Variants in BCKDHB observed in about 807,000 individuals in gnomAD.
The protein encoded by BCKDHB is branched chain keto acid dehydrogenase E1 subunit beta.
Under a neutral mutation model 48.5 loss-of-function variants are expected in BCKDHB, and 41 were observed. That is an observed-to-expected ratio of 0.85 (90% CI 0.66 to 1.10). The LOEUF is 1.10. BCKDHB is among the 50% of genes least tolerant of loss of function. The pLI is 0.00. For synonymous variants in BCKDHB, 201 were observed against 174.8 expected, an observed-to-expected ratio of 1.15 and a Z score of -1.18; for missense variants, 496 against 494.2, an observed-to-expected ratio of 1.00 and a Z score of -0.03.
the BCKDHB span, among the ~76,000 whole-genome samples, chr6:80,402,272 A>G: frequency 6.6e-6 from 1 of 151,720 alleles, no homozygotes; most frequent in Non-Finnish European, 1.5e-5. Flanking sequence ...ATCCTCATCA[A>G]TACTTTTTAT....
At chr6:80,160,866 T>A (rs1021087977) in intron 3 of BCKDHB, among the ~76,000 whole-genome samples, 1 of 152,174 alleles carries the variant, frequency 6.6e-6, no homozygotes, top group African/African-American at 2.4e-5. Context: ...TATAAGAAAA[T>A]GGCATGTTAT....
In BCKDHB at chr6:80,171,376, T is replaced by C; in HGVS notation, c.728T>C (p.Leu243Pro). Residue 243 changes from leucine to proline, a missense_variant, in exon 6 of 10, where the codon CTT (leucine) becomes CCT (proline). Leu to Pro is a moderately conservative substitution (Grantham distance 98). Coordinates refer to ENST00000320393, the MANE Select transcript of BCKDHB (RefSeq NM_183050.4). ...NPCIFFEPKI[L>P]YRAAAEEVPI... ...TGTATATTTTTTGAACCTAAAATAC[T>C]TTACAGGGCAGCAGGTAAAGATTTT... 1 of 1,594,084 alleles carries C rather than the reference T, an allele frequency of 6.3e-7. No homozygotes were observed. The highest frequency in any genetic ancestry group is 8.6e-7 in the Non-Finnish European group (1 of 1,166,342).
chr6:80,351,092 T>G (rs1177826309), downstream of BCKDHB, among the ~76,000 whole-genome samples: 1 of 152,228 alleles, frequency 6.6e-6, no homozygotes, highest in African/African-American at 2.4e-5. Context: ...CATTTAACCT[T>G]GTATACTAGT....
At chr6:80,200,115 A>C (rs1292172273) in intron 6 of BCKDHB, among the ~76,000 whole-genome samples, 2 of 151,680 alleles carry the variant, frequency 1.3e-5, no homozygotes, top group Non-Finnish European at 2.9e-5. Context: ...TCTCAGCATA[A>C]CTGGGCAGTT....
At chr6:80,272,484 T>A (rs938747875) in intron 8 of BCKDHB, among the ~76,000 whole-genome samples, 1 of 152,294 alleles carries the variant, frequency 6.6e-6, no homozygotes, top group East Asian at 1.9e-4. Flanking sequence ...TATACTTTTT[T>A]ATTTAATATT....
intron 3 of BCKDHB, 35 bp downstream of exon 3, chr6:80,129,264 G>A: frequency 6.5e-7 from 1 of 1,531,594 alleles, no homozygotes; most frequent in Non-Finnish European, 9.0e-7. Flanking sequence ...TATTCTGATA[G>A]AACTTTTACT....
chr6:80,110,169 T>A (rs1006787281), intron 1 of BCKDHB, among the ~76,000 whole-genome samples: 1 of 152,232 alleles, frequency 6.6e-6, no homozygotes, highest in Non-Finnish European at 1.5e-5. Flanking sequence ...TACACTGTGT[T>A]GTTCTCTGAG....
At chr6:80,251,760 G>A (rs1483409547) in intron 8 of BCKDHB, 1 of 152,126 alleles carries the variant, frequency 6.6e-6, no homozygotes, top group Non-Finnish European at 1.5e-5. Flanking sequence ...TCAACAGCTG[G>A]TTTGTTCTCT....
At chr6:80,348,963 C>A (rs965801813), downstream of BCKDHB, among the ~76,000 whole-genome samples, 1 of 152,094 alleles carries the variant, frequency 6.6e-6, no homozygotes, top group African/African-American at 2.4e-5. Flanking sequence ...ATGAGGACAT[C>A]ATAACTGGAA....
At chr6:80,175,811 T>C (rs1256659841) in intron 6 of BCKDHB, among the ~76,000 whole-genome samples, 2 of 152,222 alleles carry the variant, frequency 1.3e-5, no homozygotes, top group Non-Finnish European at 2.9e-5. Context: ...AAATATATTC[T>C]AAGCATCTGA....
intron 1 of BCKDHB, among the ~76,000 whole-genome samples, chr6:80,107,798 A>G (rs1195267496): frequency 6.6e-6 from 1 of 152,022 alleles, no homozygotes; most frequent in African/African-American, 2.4e-5. Flanking sequence ...AACTCCTCAT[A>G]GTATGACTGT....
At chr6:80,197,427 G>C (rs1774183101) in intron 6 of BCKDHB, among the ~76,000 whole-genome samples, 1 of 151,810 alleles carries the variant, frequency 6.6e-6, no homozygotes, top group Non-Finnish European at 1.5e-5. Flanking sequence ...ATAAAACTTT[G>C]TTTGCTTTGT....
At chr6:80,351,045 G>A (rs553808015), downstream of BCKDHB, among the ~76,000 whole-genome samples, 2 of 152,288 alleles carry the variant, frequency 1.3e-5, no homozygotes, top group African/African-American at 4.8e-5. Flanking sequence ...TTAGAGGCCT[G>A]TTTGGTTAAT....
At chr6:80,446,820 G>A in the BCKDHB span, among the ~76,000 whole-genome samples, 1 of 142,206 alleles carries the variant, frequency 7.0e-6, no homozygotes, top group Non-Finnish European at 1.5e-5. Flanking sequence ...GGCTTGTAAT[G>A]TTTCTGTGTG....
At chr6:80,433,511 G>A in the BCKDHB span, among the ~76,000 whole-genome samples, 46 of 152,252 alleles carry the variant, frequency 3.0e-4, no homozygotes, top group African/African-American at 8.7e-4. Context: ...CCCTCCCCGC[G>A]CCAAGCTTAA....
At chr6:80,377,518 C>A in the BCKDHB span, among the ~76,000 whole-genome samples, 1 of 152,070 alleles carries the variant, frequency 6.6e-6, no homozygotes, top group Non-Finnish European at 1.5e-5. Context: ...AAGTTAATTT[C>A]TTTATATAGT....
intron 1 of BCKDHB, among the ~76,000 whole-genome samples, chr6:80,124,986 C>G (rs1403711477): frequency 6.6e-6 from 1 of 152,150 alleles, no homozygotes; most frequent in Non-Finnish European, 1.5e-5. Context: ...GTCCACCTGT[C>G]CTTTGAAGCC....
chr6:80,265,291 T>C (rs970043850), intron 8 of BCKDHB, among the ~76,000 whole-genome samples: 1 of 152,068 alleles, frequency 6.6e-6, no homozygotes, highest in African/African-American at 2.4e-5. Flanking sequence ...AGCCAGAAGG[T>C]AAAAGGAACT....
chr6:80,139,476 T>C (rs1771071078), intron 3 of BCKDHB, among the ~76,000 whole-genome samples: 1 of 151,598 alleles, frequency 6.6e-6, no homozygotes, highest in African/African-American at 2.4e-5. Context: ...GAATTGATTT[T>C]TGTATAAGGT....
Sources: gnomAD v4.1 joint callset for allele counts (sites outside exome capture counted in the v4.1 genomes callset) on GRCh38, gnomAD v4.1.1 for gene constraint, MANE v1.5 for transcripts, NCBI Gene and HGNC (gene_info 2026-07-23, HGNC 2026-07-21) for gene names.